The following GLIS1 variants were observed in gnomAD, a reference collection of about 807,000 sequenced individuals.
The protein encoded by GLIS1 is zinc finger protein GLIS1.
GLIS1 carries 24 observed loss-of-function variants against 63.8 expected under a neutral mutation model. The observed-to-expected ratio is 0.38, with a 90% CI of 0.27 to 0.53. The LOEUF (loss-of-function observed/expected upper bound fraction) is 0.53, where lower values mean the gene tolerates loss of function less well. Ranked by LOEUF, GLIS1 falls within the 20% of genes least tolerant of loss-of-function variation. The pLI is 0.85. For synonymous variants in GLIS1, 450 were observed against 482.5 expected, an observed-to-expected ratio of 0.93 and a Z score of 0.88; for missense variants, 1,036 against 1,074.1, an observed-to-expected ratio of 0.96 and a Z score of 0.50.
chr1:53,681,387 C>T (rs995656418), intron 2 of GLIS1, among the ~76,000 whole-genome samples: 1 of 152,218 alleles, frequency 6.6e-6, no homozygotes. Context: ...TCTCTGCCAC[C>T]GCCCCTCACT....
intron 2 of GLIS1, among the ~76,000 whole-genome samples, chr1:53,640,511 C>A (rs1645775264): frequency 6.6e-6 from 1 of 152,136 alleles, no homozygotes; most frequent in African/African-American, 2.4e-5. Flanking sequence ...GCCCCCAGCA[C>A]CCCGCTCTCC....
chr1:53,736,911 T>C (rs1195815645), intron 2 of GLIS1, among the ~76,000 whole-genome samples: 1 of 151,928 alleles, frequency 6.6e-6, no homozygotes, highest in South Asian at 2.1e-4. Context: ...TTGAGAATCA[T>C]CTGGAATGAG....
rs139293296 is a variant in GLIS1, at chr1:53,622,584, TG to T, written c.260-22307del. On this transcript the variant is annotated intron_variant, in intron 2 of 10. Transcript: ENST00000628545. ...ATGAGATCACCCTGGACTATCCCAGTGGGCCCTAAATCCAAACAGAAGCATC... is the reference window on the plus strand; with the variant it reads ...ATGAGATCACCCTGGACTATCCCAGTGGCCCTAAATCCAAACAGAAGCATC... Among the ~76,000 whole-genome samples, 1,152 of 152,200 alleles carry T rather than the reference TG, an allele frequency of 7.6e-3. 20 individuals are homozygous for T. The highest frequency in any genetic ancestry group is 0.026 in the African/African-American group (1,076 of 41,514).
intron 2 of GLIS1, among the ~76,000 whole-genome samples, chr1:53,648,070 A>G (rs1320220889): frequency 6.6e-6 from 1 of 152,074 alleles, no homozygotes; most frequent in Non-Finnish European, 1.5e-5. Context: ...GCTACTCAAG[A>G]GGCTGAGATG....
chr1:53,680,763 T>C (rs1357091627), intron 2 of GLIS1, among the ~76,000 whole-genome samples: 1 of 152,234 alleles, frequency 6.6e-6, no homozygotes, highest in Non-Finnish European at 1.5e-5. Flanking sequence ...ATTCAGGTCA[T>C]CTGAGTTTAT....
At chr1:53,624,144 A>G (rs1018911889) in intron 2 of GLIS1, among the ~76,000 whole-genome samples, 4 of 152,248 alleles carry the variant, frequency 2.6e-5, no homozygotes, top group African/African-American at 9.6e-5. Context: ...TGATTTCAAG[A>G]CTTTCTACAA....
At chr1:53,662,910 T>C (rs1646044838) in intron 2 of GLIS1, among the ~76,000 whole-genome samples, 1 of 152,094 alleles carries the variant, frequency 6.6e-6, no homozygotes, top group East Asian at 1.9e-4. Flanking sequence ...ACACCCCCAT[T>C]TTATAGATGG....
intron 2 of GLIS1, among the ~76,000 whole-genome samples, chr1:53,658,914 C>G (rs1043937376): frequency 1.3e-5 from 2 of 152,096 alleles, no homozygotes; most frequent in Non-Finnish European, 2.9e-5. Flanking sequence ...GTGGGGGGCA[C>G]AGCAGGCAGG....
intron 4 of GLIS1, among the ~76,000 whole-genome samples, chr1:53,556,560 C>G (rs1644831465): frequency 1.4e-5 from 1 of 72,556 alleles, no homozygotes; most frequent in Admixed American, 1.5e-4. Context: ...TGCAGGTGTA[C>G]TGCAGGGGTG....
intron 4 of GLIS1, among the ~76,000 whole-genome samples, chr1:53,559,965 T>C (rs1644869853): frequency 6.6e-6 from 1 of 152,116 alleles, no homozygotes; most frequent in African/African-American, 2.4e-5. Flanking sequence ...TCCTAGATGG[T>C]CTTTCTCCAC....
intron 2 of GLIS1, among the ~76,000 whole-genome samples, chr1:53,679,792 A>G (rs1646255464): frequency 6.6e-6 from 1 of 152,236 alleles, no homozygotes; most frequent in Non-Finnish European, 1.5e-5. Flanking sequence ...CCCCTGTAGC[A>G]TGCTGACACA....
At chr1:53,656,572 A>G (rs1158839966) in intron 2 of GLIS1, among the ~76,000 whole-genome samples, 2 of 152,252 alleles carry the variant, frequency 1.3e-5, no homozygotes, top group African/African-American at 2.4e-5. Context: ...CATGAAGAAC[A>G]CATCTTATAG....
intron 2 of GLIS1, among the ~76,000 whole-genome samples, chr1:53,669,536 C>A (rs1273511477): frequency 6.6e-6 from 1 of 152,230 alleles, no homozygotes; most frequent in African/African-American, 2.4e-5. Context: ...GGGTCAGACA[C>A]TTCCTAGTCA....
chr1:53,684,212 C>T (rs1390573645), intron 2 of GLIS1, among the ~76,000 whole-genome samples: 1 of 152,112 alleles, frequency 6.6e-6, no homozygotes, highest in Non-Finnish European at 1.5e-5. Context: ...CTCTGCAGTC[C>T]AGCTCCTCCT....
In GLIS1 at chr1:53,666,354, C is replaced by T. The variant is rs535927267; in HGVS notation, c.260-66076G>A. Among the ~76,000 whole-genome samples, 6 of 152,294 alleles carry T rather than the reference C, an allele frequency of 3.9e-5. No individual in the cohort carries two copies. The East Asian group carries it at 1.2e-3, about 29-fold the overall frequency. ...TAGTAGGAGGTGAAATAAGCATTTG[C>T]TGGTCTGGCTGACTCTGATGCCTGT... On this transcript the variant is annotated intron_variant, in intron 2 of 10. Transcript: ENST00000628545.
intron 4 of GLIS1, among the ~76,000 whole-genome samples, chr1:53,562,016 C>G (rs142394901): frequency 1.3e-5 from 2 of 152,218 alleles, no homozygotes; most frequent in African/African-American, 4.8e-5. Context: ...TCGGTTTCAA[C>G]GTCTTCCCAT....
At chr1:53,713,579 C>A (rs1454389583) in intron 2 of GLIS1, among the ~76,000 whole-genome samples, 1 of 152,236 alleles carries the variant, frequency 6.6e-6, no homozygotes, top group Non-Finnish European at 1.5e-5. Flanking sequence ...CACGGTGAGA[C>A]CCCATCTCTG....
At chr1:53,568,740 CATG>C (rs1169758681) in intron 4 of GLIS1, among the ~76,000 whole-genome samples, 1 of 152,196 alleles carries the variant, frequency 6.6e-6, no homozygotes, top group Non-Finnish European at 1.5e-5. Context: ...CCTGCTCCAC[CATG>C]ATAAGACATG....
Position 53,674,042 on chromosome 1 carries a change from C to T in GLIS1, c.259+63764G>A, listed in dbSNP as rs957682995. ...CAAAAATTAGCTGGGCATGGGGGCACGCGCCTGTAATCCCAGCTACTTGGG... is the reference window on the plus strand; with the variant it reads ...CAAAAATTAGCTGGGCATGGGGGCATGCGCCTGTAATCCCAGCTACTTGGG... On this transcript the variant is annotated intron_variant, in intron 2 of 10. Coordinates refer to ENST00000628545, the MANE Select transcript of GLIS1 (RefSeq NM_001367484.1). 2.6e-5 allele frequency among the ~76,000 whole-genome samples: 4 copies of T among 152,032 alleles called. No homozygotes were observed. In the South Asian group the frequency reaches 6.2e-4, roughly 24 times the overall value.
Sources: allele counts gnomAD v4.1 joint callset (sites outside exome capture counted in the v4.1 genomes callset), GRCh38; gene constraint gnomAD v4.1.1; transcripts MANE v1.5; gene names NCBI Gene and HGNC (gene_info 2026-07-23, HGNC 2026-07-21).